The following ACSF3 variants were observed in gnomAD, a reference collection of about 807,000 sequenced individuals.
ACSF3 encodes the protein malonate--CoA ligase ACSF3, mitochondrial.
In ACSF3, 78 loss-of-function variants were observed where a neutral mutation model predicts 53.2. The observed-to-expected ratio is 1.47, with a 90% CI of 1.22 to 1.77. ACSF3 has a LOEUF of 1.77. Among genes scored for constraint, ACSF3 ranks in the 40% most tolerant of loss-of-function variants. ACSF3 has a pLI of 0.00. For missense variants in ACSF3, 937 were observed against 771.1 expected (o/e 1.22, Z -2.55); for synonymous variants, 414 against 333.1 (o/e 1.24, Z -2.65).
intron 7 of ACSF3, among the ~76,000 whole-genome samples, chr16:89,132,338 C>G (rs928315527): frequency 2.0e-5 from 3 of 152,216 alleles, no homozygotes; most frequent in African/African-American, 7.2e-5. Context: ...TGCTCCTTCT[C>G]TGCCCTCCCC....
rs568725729 is a variant in ACSF3, at chr16:89,143,544, A to G, written c.1367-1723A>G. On this transcript the variant is annotated intron_variant, in intron 8 of 10. Coordinates refer to ENST00000614302, the MANE Select transcript of ACSF3 (RefSeq NM_001243279.3). ...TGGCTCGGTGCGATTAAGAGATGCT[A>G]TTGGAAGATTGGTGGCTGTCTGGTC... Among the ~76,000 whole-genome samples, 7 of 152,222 alleles carry G rather than the reference A, an allele frequency of 4.6e-5. No individual in the cohort carries two copies. The South Asian group carries it at 8.3e-4, about 18-fold the overall frequency.
chr16:89,139,995 C>T (rs1053302647), intron 8 of ACSF3, among the ~76,000 whole-genome samples: 1 of 152,144 alleles, frequency 6.6e-6, no homozygotes, highest in African/African-American at 2.4e-5. Context: ...CACGGAGCTG[C>T]CGGGTGAGCG....
rs750225037 is a variant in ACSF3 at position 89,100,700 on chromosome 16, C to G, written c.19C>G (p.Leu7Val). Residue 7 changes from leucine to valine, a missense_variant, in exon 3 of 11, where the codon CTC becomes GTC. Leu to Val is a conservative substitution (Grantham distance 32). Coordinates refer to ENST00000614302, the MANE Select transcript of ACSF3 (RefSeq NM_001243279.3). Reference sequence around the variant, plus strand: ...CAGTGCAATGCTGCCCCATGTGGTGCTCACCTTCCGGCGCCTGGGCTGCGC... The same window carrying G: ...CAGTGCAATGCTGCCCCATGTGGTGGTCACCTTCCGGCGCCTGGGCTGCGC... MLPHVVLTFRRLGCALA... is the reference protein window; with the variant it reads MLPHVVVTFRRLGCALA... 3 of 1,562,418 alleles carry G rather than the reference C, an allele frequency of 1.9e-6. No individual in the cohort carries two copies. Among genetic ancestry groups the G allele is most frequent in the Admixed American group, 1.8e-5 (1 of 55,662 alleles).
chr16:89,124,521 A>G (rs1907540046), intron 7 of ACSF3, among the ~76,000 whole-genome samples: 2 of 151,088 alleles, frequency 1.3e-5, no homozygotes, highest in South Asian at 4.2e-4. Context: ...TGCTGCATGT[A>G]TGTGTGTGTG....
At chr16:89,114,288 G>T (rs373376879) in intron 5 of ACSF3, 51 bp from the exon 6 acceptor site, 3 of 1,610,108 alleles carry the variant, frequency 1.9e-6, no homozygotes, top group Non-Finnish European at 2.5e-6. Context: ...ACCTTTGCAC[G>T]CGAGAGCCAC....
intron 6 of ACSF3, among the ~76,000 whole-genome samples, chr16:89,115,756 C>T (rs1426775455): frequency 1.3e-5 from 2 of 152,198 alleles, no homozygotes; most frequent in African/African-American, 2.4e-5. Flanking sequence ...CTCCAGCGGG[C>T]GGTGGTGGTG....
In ACSF3 at chr16:89,146,010, G is replaced by GCC. The variant is rs1567747775; in HGVS notation, c.1574_1575insCC (p.Ser527ThrfsTer146). On this transcript the variant is annotated frameshift_variant, in exon 10 of 11. Coordinates refer to ENST00000614302, the MANE Select transcript of ACSF3 (RefSeq NM_001243279.3). LOFTEE classifies it high-confidence loss of function. The stretch of plus-strand genomic sequence containing the variant: ...ACTGCTGTGGTGACCCTCCGAGAAG[G>GCC]ACACTCACTGTCCCACAGGGAGCTC... The GCC allele has an allele frequency of 7.3e-7, 1 of 1,375,646 alleles. No homozygotes were observed. Among genetic ancestry groups the GCC allele is most frequent in the Non-Finnish European group, 9.7e-7 (1 of 1,029,760 alleles). The allele number at this position is 1,375,646 out of a possible 1,614,324, so 85.2% of individuals were successfully genotyped here.
chr16:89,120,958 C>G (rs370996658), intron 7 of ACSF3, 45 bp downstream of exon 7: 46 of 1,564,322 alleles, frequency 2.9e-5, no homozygotes, highest in Non-Finnish European at 4.0e-5. Flanking sequence ...TGTGTCCAGT[C>G]TAGGCCCCCC....
intron 4 of ACSF3, among the ~76,000 whole-genome samples, chr16:89,107,766 C>T (rs1262212513): frequency 6.6e-6 from 1 of 152,188 alleles, no homozygotes; most frequent in Non-Finnish European, 1.5e-5. Context: ...TGTTTCATTT[C>T]AGTGGAAACT....
At chr16:89,118,336 A>G in intron 6 of ACSF3, among the ~76,000 whole-genome samples, 1 of 149,562 alleles carries the variant, frequency 6.7e-6, no homozygotes, top group South Asian at 2.1e-4. Context: ...GTTTGGAAAA[A>G]AGTAAGTAAA....
In ACSF3 at chr16:89,098,593, G is replaced by A. The variant is rs1278409924; in HGVS notation, c.-191G>A. The A allele has an allele frequency of 6.6e-6, 3 of 451,646 alleles. No homozygotes were observed. The East Asian group carries it at 2.1e-4, about 32-fold the overall frequency. 28.0% of individuals were successfully genotyped at this position (451,646 alleles called of 1,614,324 possible). ...TCAGCACAGATGCCCGTTGACAGGT[G>A]TCCCACCGGCCTTCCGGGTTCCAGC... On this transcript the variant is annotated splice_region_variant and 5_prime_UTR_variant, in exon 2 of 11. Transcript: ENST00000614302.
At chr16:89,153,773 TG>T in intron 10 of ACSF3, 1 of 405,316 alleles carries the variant, frequency 2.5e-6, no homozygotes, top group Non-Finnish European at 4.6e-6. Flanking sequence ...TGGCCCGGTG[TG>T]GGGGCCCCTC....
chr16:89,095,842 C>T (rs1974549889), intron 1 of ACSF3, among the ~76,000 whole-genome samples: 3 of 152,248 alleles, frequency 2.0e-5, no homozygotes, highest in Admixed American at 6.5e-5. Flanking sequence ...GCCATCTTAG[C>T]GGTGGGAAGT....
intron 6 of ACSF3, among the ~76,000 whole-genome samples, chr16:89,120,386 G>A (rs753510687): frequency 7.9e-5 from 12 of 152,238 alleles, no homozygotes; most frequent in African/African-American, 2.9e-4. Flanking sequence ...CAGCCCCGGG[G>A]CCATCAGGGC....
At chr16:89,147,528 G>A (rs1329950009) in intron 10 of ACSF3, 2 of 73,896 alleles carry the variant, frequency 2.7e-5, no homozygotes, top group Non-Finnish European at 5.8e-5. Context: ...AGTGAGCGGG[G>A]GGGGGGGGAG....
chr16:89,098,177 C>T (rs903603065), intron 1 of ACSF3, among the ~76,000 whole-genome samples: 4 of 152,242 alleles, frequency 2.6e-5, no homozygotes, highest in African/African-American at 9.6e-5. Context: ...ACAAAACATA[C>T]TTTGGCTCTG....
intron 7 of ACSF3, among the ~76,000 whole-genome samples, chr16:89,126,986 T>C (rs1908254939): frequency 1.1e-5 from 1 of 92,030 alleles, no homozygotes; most frequent in Non-Finnish European, 2.7e-5. Context: ...AAAAAGCTTT[T>C]CGGTATTGAT....
In ACSF3 at chr16:89,114,361, G is replaced by A; in HGVS notation, c.1000G>A (p.Ala334Thr). Residue 334 changes from alanine to threonine, a missense_variant, in exon 6 of 11, where the codon GCC becomes ACC. Ala to Thr is a moderately conservative substitution (Grantham distance 58). Coordinates refer to ENST00000614302, the MANE Select transcript of ACSF3 (RefSeq NM_001243279.3). Reference sequence around the variant, plus strand: ...TAGGCTGATGGTCTCAGGCTCAGCTGCCCTGCCCCTCCCAGTGCTGGAGAA... The same window carrying A: ...TAGGCTGATGGTCTCAGGCTCAGCTACCCTGCCCCTCCCAGTGCTGGAGAA... ...KIRLMVSGSAALPLPVLEKWK... is the reference protein window; with the variant it reads ...KIRLMVSGSATLPLPVLEKWK... 1 of 1,614,026 alleles carries A rather than the reference G, an allele frequency of 6.2e-7. No individual in the cohort carries two copies. The highest frequency in any genetic ancestry group is 8.5e-7 in the Non-Finnish European group (1 of 1,180,022).
intron 8 of ACSF3, among the ~76,000 whole-genome samples, chr16:89,139,346 T>C (rs1911271498): frequency 6.6e-6 from 1 of 152,100 alleles, no homozygotes. Flanking sequence ...GTCTTCCCTC[T>C]TCCGCCCCCA....
Sources: gnomAD v4.1 joint callset for allele counts (sites outside exome capture counted in the v4.1 genomes callset) on GRCh38, gnomAD v4.1.1 for gene constraint, MANE v1.5 for transcripts, NCBI Gene and HGNC (gene_info 2026-07-23, HGNC 2026-07-21) for gene names.